The following GALNT13 variants were observed in gnomAD, a reference collection of about 807,000 sequenced individuals.
The protein encoded by GALNT13 is UDP-GalNAc:polypeptide N-acetylgalactosaminyltransferase 13.
In GALNT13, 28 loss-of-function variants were observed where a neutral mutation model predicts 64.2. The observed-to-expected ratio is 0.44, with a 90% CI of 0.32 to 0.60. GALNT13 has a LOEUF of 0.60. Among genes scored for constraint, GALNT13 ranks in the 20% least tolerant of loss-of-function variants. GALNT13 has a pLI of 0.05. For missense variants in GALNT13, 577 were observed against 669.8 expected, an observed-to-expected ratio of 0.86 and a Z score of 1.53; for synonymous variants, 214 against 224.6, an observed-to-expected ratio of 0.95 and a Z score of 0.42.
chr2:153,615,042 C>T, the GALNT13 span, among the ~76,000 whole-genome samples: 3 of 152,158 alleles, frequency 2.0e-5, no homozygotes, highest in East Asian at 3.9e-4. Flanking sequence ...TCAATCCCAG[C>T]GTCTGGTAAC....
chr2:153,507,743 T>C, the GALNT13 span, among the ~76,000 whole-genome samples: 2 of 152,174 alleles, frequency 1.3e-5, no homozygotes, highest in African/African-American at 4.8e-5. Flanking sequence ...CTAAAGAACC[T>C]TGTTTTGTCA....
the GALNT13 span, among the ~76,000 whole-genome samples, chr2:153,233,406 A>G: frequency 1.3e-5 from 2 of 152,004 alleles, no homozygotes; most frequent in Non-Finnish European, 2.9e-5. Context: ...CTATCTATCT[A>G]GAGGATAGTT....
chr2:153,617,326 G>A, the GALNT13 span, among the ~76,000 whole-genome samples: 13 of 151,908 alleles, frequency 8.6e-5, no homozygotes, highest in Non-Finnish European at 1.9e-4. Context: ...ATGATCATAT[G>A]GTTTTATCCT....
chr2:154,198,876 C>G (rs1373002318), intron 4 of GALNT13, among the ~76,000 whole-genome samples: 1 of 151,906 alleles, frequency 6.6e-6, no homozygotes, highest in Non-Finnish European at 1.5e-5. Context: ...TATACAAATA[C>G]AGTTACTAGA....
chr2:153,572,790 T>C, the GALNT13 span, among the ~76,000 whole-genome samples: 1 of 152,004 alleles, frequency 6.6e-6, no homozygotes, highest in African/African-American at 2.4e-5. Flanking sequence ...TTTCATTCCA[T>C]GGTGGTCAGA....
intron 3 of GALNT13, among the ~76,000 whole-genome samples, chr2:153,992,096 G>T (rs1461223642): frequency 6.6e-6 from 1 of 152,086 alleles, no homozygotes. Context: ...TGATAATTTT[G>T]TCCTAGGGCT....
rs913501012 is a variant in GALNT13 at position 154,453,763 on chromosome 2, A to C, written c.*3212A>C. The C allele has an allele frequency of 1.3e-5, 2 of 152,150 alleles. No homozygotes were observed. The highest frequency in any genetic ancestry group is 4.8e-5 in the African/African-American group (2 of 41,444). The allele number at this position is 152,150 out of a possible 1,614,324, so 9.4% of individuals were successfully genotyped here. ...TTAATGAACTGAAAAATGTGTGTTA[A>C]AGTTGCTAAGTGTAACTGTATCATA... On this transcript the variant is annotated 3_prime_UTR_variant, in exon 13 of 13. Transcript: ENST00000392825.
At chr2:153,109,094 A>G in the GALNT13 span, among the ~76,000 whole-genome samples, 459 of 152,286 alleles carry the variant, frequency 3.0e-3, 2 homozygotes, top group African/African-American at 0.011. Context: ...GACTTGCTGT[A>G]GAACTACTTC....
At chr2:154,035,596 CTT>C (rs1367410485) in intron 3 of GALNT13, among the ~76,000 whole-genome samples, 2 of 151,938 alleles carry the variant, frequency 1.3e-5, no homozygotes, top group Non-Finnish European at 2.9e-5. Flanking sequence ...TTTAAATACA[CTT>C]AAACAGTATG....
chr2:153,817,742 T>C, the GALNT13 span, among the ~76,000 whole-genome samples: 11 of 152,226 alleles, frequency 7.2e-5, no homozygotes, highest in Non-Finnish European at 1.5e-4. Context: ...TTATTTTCTT[T>C]AACACCACAT....
chr2:153,544,007 A>T, the GALNT13 span, among the ~76,000 whole-genome samples: 1 of 152,154 alleles, frequency 6.6e-6, no homozygotes, highest in Non-Finnish European at 1.5e-5. Flanking sequence ...TCCAACTGGG[A>T]GCACACGTCA....
At chr2:153,770,241 T>G in the GALNT13 span, among the ~76,000 whole-genome samples, 1 of 150,520 alleles carries the variant, frequency 6.6e-6, no homozygotes, top group African/African-American at 2.4e-5. Context: ...AGATTTCATT[T>G]GGATGAAATT....
intron 4 of GALNT13, among the ~76,000 whole-genome samples, chr2:154,152,529 C>T (rs1035374326): frequency 5.3e-5 from 8 of 152,126 alleles, no homozygotes; most frequent in Non-Finnish European, 1.0e-4. Flanking sequence ...AGAGTGTTTT[C>T]CAACTTGGTT....
At chr2:154,314,447 G>C (rs1008457089) in intron 9 of GALNT13, among the ~76,000 whole-genome samples, 1 of 152,104 alleles carries the variant, frequency 6.6e-6, no homozygotes, top group Admixed American at 6.6e-5. Flanking sequence ...CATTGTCTTA[G>C]TCTGATTGTG....
At chr2:153,976,888 CTT>C (rs1377166396) in intron 3 of GALNT13, among the ~76,000 whole-genome samples, 2 of 152,012 alleles carry the variant, frequency 1.3e-5, no homozygotes, top group African/African-American at 2.4e-5. Flanking sequence ...TTAAAATAAA[CTT>C]GAGCTTAGTT....
At chr2:153,299,774 G>T in the GALNT13 span, among the ~76,000 whole-genome samples, 1 of 152,178 alleles carries the variant, frequency 6.6e-6, no homozygotes, top group Admixed American at 6.5e-5. Flanking sequence ...ACAGTTGCTC[G>T]TTGGCATTGA....
At chr2:153,823,538 A>C in the GALNT13 span, among the ~76,000 whole-genome samples, 4 of 152,178 alleles carry the variant, frequency 2.6e-5, no homozygotes, top group Non-Finnish European at 4.4e-5. Context: ...CTATTCAATA[A>C]ATGATGCTGG....
At chr2:153,860,677 T>C in the GALNT13 span, among the ~76,000 whole-genome samples, 1 of 152,192 alleles carries the variant, frequency 6.6e-6, no homozygotes, top group African/African-American at 2.4e-5. Context: ...GACAAAAATA[T>C]AGAACTATAT....
the GALNT13 span, among the ~76,000 whole-genome samples, chr2:153,441,542 A>G: frequency 2.6e-5 from 4 of 152,144 alleles, no homozygotes; most frequent in Non-Finnish European, 5.9e-5. Flanking sequence ...TTTGGGCAGT[A>G]TGGCCATTTT....
Sources: gnomAD v4.1 joint callset for allele counts (sites outside exome capture counted in the v4.1 genomes callset) on GRCh38, gnomAD v4.1.1 for gene constraint, MANE v1.5 for transcripts, NCBI Gene and HGNC (gene_info 2026-07-23, HGNC 2026-07-21) for gene names.